ADARB1: variants seen among roughly 807,000 people sequenced by gnomAD.
ADARB1 encodes double-stranded RNA-specific editase 1.
Under a neutral mutation model 52.4 loss-of-function variants are expected in ADARB1, and 10 were observed. The observed-to-expected ratio is 0.19, with a 90% CI of 0.12 to 0.32. The LOEUF (loss-of-function observed/expected upper bound fraction) is 0.32. Ranked by LOEUF, ADARB1 falls within the 10% of genes least tolerant of loss-of-function variation. ADARB1 has a pLI of 1.00. For missense variants in ADARB1, 643 were observed against 922.3 expected, an observed-to-expected ratio of 0.70 and a Z score of 3.92; for synonymous variants, 349 against 371.1, an observed-to-expected ratio of 0.94 and a Z score of 0.68.
At chr21:45,104,085 G>T (rs1365768493) in intron 1 of ADARB1, among the ~76,000 whole-genome samples, 1 of 152,164 alleles carries the variant, frequency 6.6e-6, no homozygotes, top group African/African-American at 2.4e-5. Context: ...GGAGCAGTGC[G>T]TTCAGCTAGC....
In ADARB1 at chr21:45,225,580, T is replaced by C; in HGVS notation, c.*3383T>C. Reference sequence around the variant, plus strand: ...AGGAGGGGACGGCTCCGTCTTCACATTGTGCACAGATCTGAGGATGGGATT... The same window carrying C: ...AGGAGGGGACGGCTCCGTCTTCACACTGTGCACAGATCTGAGGATGGGATT... On this transcript the variant is annotated 3_prime_UTR_variant, in exon 11 of 11. Coordinates refer to ENST00000348831, the MANE Select transcript of ADARB1 (RefSeq NM_001112.4). 7.5e-7 allele frequency: 1 copy of C among 1,334,270 alleles called. No individual in the cohort carries two copies. Among genetic ancestry groups the C allele is most frequent in the South Asian group, 2.7e-5 (1 of 36,736 alleles). 82.7% of individuals were successfully genotyped at this position (1,334,270 alleles called of 1,614,324 possible).
intron 1 of ADARB1, among the ~76,000 whole-genome samples, chr21:45,097,157 C>T (rs2086798908): frequency 6.6e-6 from 1 of 152,162 alleles, no homozygotes; most frequent in South Asian, 2.1e-4. Flanking sequence ...CCTTTAGGTA[C>T]GAGATGGGTG....
In ADARB1 at chr21:45,211,892, ATG is replaced by A. The variant is rs558259960; in HGVS notation, c.1747+7157_1747+7158del. Among the ~76,000 whole-genome samples, 587 of 152,344 alleles carry A rather than the reference ATG, an allele frequency of 3.9e-3. 3 individuals carry two copies. Among genetic ancestry groups the A allele is most frequent in the African/African-American group, 0.013 (550 of 41,582 alleles). ...ACTGGCCTCAGGGACTCGTAGACGTATGCGCTTATGACCATTTAGGGGCTTTC... is the reference window on the plus strand; with the variant it reads ...ACTGGCCTCAGGGACTCGTAGACGTACGCTTATGACCATTTAGGGGCTTTC... On this transcript the variant is annotated intron_variant, in intron 9 of 10. Coordinates refer to ENST00000348831, the MANE Select transcript of ADARB1 (RefSeq NM_001112.4).
In ADARB1 at chr21:45,182,607, G is replaced by C. The variant is rs778818769; in HGVS notation, c.1101G>C (p.Lys367Asn). The change falls in exon 6 of 11, where the codon AAG becomes AAC. Residue 367 changes from lysine (K) to asparagine (N), a missense_variant. By Grantham distance (94) the Lys-to-Asn change is moderately conservative. This residue lies in a region of ADARB1 where 263 missense variants were observed against 475.8 expected (regional missense o/e 0.55). Coordinates refer to ENST00000348831, the MANE Select transcript of ADARB1 (RefSeq NM_001112.4). The part of the protein sequence containing the change: ...MTTGTDVKDA[K>N]VISVSTGTKC... ...CAGGCACAGATGTTAAAGATGCCAAGGTGATAAGTGTTTCTACAGGAACAA... is the reference window on the plus strand; with the variant it reads ...CAGGCACAGATGTTAAAGATGCCAACGTGATAAGTGTTTCTACAGGAACAA... 1.1e-5 allele frequency: 17 copies of C among 1,596,648 alleles called. No homozygotes were observed. Among genetic ancestry groups the C allele is most frequent in the Non-Finnish European group, 1.3e-5 (15 of 1,175,238 alleles).
intron 1 of ADARB1, among the ~76,000 whole-genome samples, chr21:45,118,878 T>C (rs1016780470): frequency 1.2e-4 from 19 of 152,206 alleles, no homozygotes; most frequent in Non-Finnish European, 1.3e-4. Flanking sequence ...TCCTCTGCTC[T>C]CTCGCATCAA....
intron 4 of ADARB1, 31 bp from the exon 5 acceptor site, chr21:45,180,299 C>T (rs2091882981): frequency 3.9e-6 from 6 of 1,526,214 alleles, no homozygotes; most frequent in African/African-American, 1.4e-5. Context: ...CTGCATCTGG[C>T]CCCTAACCTG....
intron 1 of ADARB1, among the ~76,000 whole-genome samples, chr21:45,103,358 G>T (rs899024384): frequency 1.3e-5 from 2 of 151,902 alleles, no homozygotes; most frequent in East Asian, 3.9e-4. Context: ...TACATTTATT[G>T]TGCATTTTCT....
intron 1 of ADARB1, among the ~76,000 whole-genome samples, chr21:45,096,117 C>G (rs2123706340): frequency 6.6e-6 from 1 of 152,378 alleles, no homozygotes; most frequent in African/African-American, 2.4e-5. Context: ...AACTTCCCAC[C>G]TAGTAACGAG....
rs1207134008 is a variant in ADARB1, at chr21:45,223,240, C to G, written c.*1043C>G. The stretch of plus-strand genomic sequence containing the variant: ...ATGCCATAGTTTTAAATTATTGTTT[C>G]CAGCTTTATCAAAGACATGTTTGAA... On this transcript the variant is annotated 3_prime_UTR_variant, in exon 11 of 11. Transcript: ENST00000348831. 7 of 985,348 alleles carry G rather than the reference C, an allele frequency of 7.1e-6. No individual in the cohort carries two copies. Among genetic ancestry groups the G allele is most frequent in the South Asian group, 4.7e-5 (1 of 21,296 alleles). 61.0% of individuals were successfully genotyped at this position (985,348 alleles called of 1,614,324 possible).
intron 7 of ADARB1, 48 bp from the exon 8 acceptor site, chr21:45,184,875 A>G (rs759236513): frequency 1.5e-5 from 23 of 1,528,082 alleles, no homozygotes; most frequent in South Asian, 6.0e-5. Context: ...CAATAAATCA[A>G]ATAGATGGTT....
chr21:45,075,484 G>T (rs9977041), intron 1 of ADARB1, among the ~76,000 whole-genome samples: 2 of 152,058 alleles, frequency 1.3e-5, no homozygotes, highest in African/African-American at 2.4e-5. Flanking sequence ...CGCAGTGTCC[G>T]CGCGGGATGC....
At chr21:45,193,126 G>A (rs1025953480) in intron 8 of ADARB1, among the ~76,000 whole-genome samples, 1 of 152,166 alleles carries the variant, frequency 6.6e-6, no homozygotes, top group Non-Finnish European at 1.5e-5. Flanking sequence ...ACCAGATGAA[G>A]ACACCACAAG....
chr21:45,091,281 C>A (rs957839154), intron 1 of ADARB1, among the ~76,000 whole-genome samples: 5 of 152,360 alleles, frequency 3.3e-5, no homozygotes, highest in Middle Eastern at 3.4e-3. Flanking sequence ...AATCCGATTT[C>A]TTCCACTGCT....
At position 45,223,136 on chromosome 21, in the gene ADARB1, C is replaced by G. The variant is rs1181229636; in HGVS notation, c.*939C>G. The G allele has an allele frequency of 1.0e-6, 1 of 985,328 alleles. No homozygotes were observed. The highest frequency in any genetic ancestry group is 1.7e-5 in the African/African-American group (1 of 57,244). 61.0% of individuals were successfully genotyped at this position (985,328 alleles called of 1,614,324 possible). ...GTTCCCTCTGTTCCTTCCTCTGAAT[C>G]GAATGGATGTGGGTGACCGCCCGAA... On this transcript the variant is annotated 3_prime_UTR_variant, in exon 11 of 11. Transcript: ENST00000348831.
chr21:45,104,131 C>G (rs763234976), intron 1 of ADARB1, among the ~76,000 whole-genome samples: 1 of 152,204 alleles, frequency 6.6e-6, no homozygotes, highest in Non-Finnish European at 1.5e-5. Flanking sequence ...CTGTTCCCTT[C>G]AGCGGGGTAG....
In ADARB1 at chr21:45,197,618, G is replaced by A. The variant is rs566651605; in HGVS notation, c.1566-6937G>A. The stretch of plus-strand genomic sequence containing the variant: ...CACGCAGACTTGTAAATGAATGTTT[G>A]TAGGACTTTCTTTGTAATAGACAAA... On this transcript the variant is annotated intron_variant, in intron 8 of 10. Transcript: ENST00000348831. Among the ~76,000 whole-genome samples the A allele has an allele frequency of 2.6e-5, 4 of 152,084 alleles. 1 individual carries two copies. The South Asian group carries it at 8.5e-4, about 32-fold the overall frequency.
In ADARB1 at chr21:45,223,540, G is replaced by A. The variant is rs1311648260; in HGVS notation, c.*1343G>A. On this transcript the variant is annotated 3_prime_UTR_variant, in exon 11 of 11. Coordinates refer to ENST00000348831, the MANE Select transcript of ADARB1 (RefSeq NM_001112.4). Reference sequence around the variant, plus strand: ...GCTGAGAGAAGTGCTCTGCCTGCCAGTGCAGTGCCCAGCTCCAAGGCTCTA... The same window carrying A: ...GCTGAGAGAAGTGCTCTGCCTGCCAATGCAGTGCCCAGCTCCAAGGCTCTA... The A allele has an allele frequency of 8.1e-6, 8 of 985,616 alleles. No individual in the cohort carries two copies. In the African/African-American group the frequency reaches 1.0e-4, roughly 13 times the overall value. 61.1% of individuals were successfully genotyped at this position (985,616 alleles called of 1,614,324 possible). A position where few individuals can be genotyped will look rare whatever the true frequency, so the allele number is the denominator to read the frequency against.
Position 45,171,560 on chromosome 21 carries a change from A to G in ADARB1, c.-47-50A>G, listed in dbSNP as rs778678507. 2.0e-5 allele frequency: 23 copies of G among 1,145,508 alleles called. No homozygotes were observed. In the South Asian group the frequency reaches 3.0e-4, roughly 15 times the overall value. The allele number at this position is 1,145,508 out of a possible 1,614,324, so 71.0% of individuals were successfully genotyped here. On this transcript the variant is annotated intron_variant, in intron 2 of 10. Transcript: ENST00000348831. ...TTTCCTTAGAGTAGACTTACTTCATATTACTCCTGTCATAGGCACACTAAA... is the reference window on the plus strand; with the variant it reads ...TTTCCTTAGAGTAGACTTACTTCATGTTACTCCTGTCATAGGCACACTAAA...
intron 1 of ADARB1, among the ~76,000 whole-genome samples, chr21:45,115,251 G>A (rs1037844622): frequency 6.6e-6 from 1 of 152,222 alleles, no homozygotes; most frequent in African/African-American, 2.4e-5. Context: ...GCCAGTGACC[G>A]TCTGTGAGTC....
Sources: gnomAD v4.1 joint callset for allele counts (sites outside exome capture counted in the v4.1 genomes callset) on GRCh38, gnomAD v4.1.1 for gene constraint, gnomAD v4.1.1 regional missense constraint, MANE v1.5 for transcripts, NCBI Gene and HGNC (gene_info 2026-07-23, HGNC 2026-07-21) for gene names.